Variants in CNTLN observed in about 807,000 individuals in gnomAD.
CNTLN encodes the protein centlein, centrosomal protein.
CNTLN carries 212 observed loss-of-function variants against 180.0 expected under a neutral mutation model. The ratio of observed to expected loss-of-function variants is 1.18; its 90% CI spans 1.05 to 1.32. CNTLN has a LOEUF of 1.32. Among genes scored for constraint, CNTLN ranks in the 40% most tolerant of loss-of-function variants. CNTLN has a pLI of 0.00. For missense variants in CNTLN, 2,095 were observed against 1,610.9 expected (o/e 1.30, Z -5.14); for synonymous variants, 722 against 563.1 (o/e 1.28, Z -3.99).
intron 10 of CNTLN, among the ~76,000 whole-genome samples, chr9:17,334,378 A>C (rs1271883788): frequency 6.6e-6 from 1 of 151,744 alleles, no homozygotes; most frequent in Non-Finnish European, 1.5e-5. Context: ...TAATTCTTGA[A>C]ATTTGTTACC....
intron 6 of CNTLN, among the ~76,000 whole-genome samples, chr9:17,294,826 GGGCGGGGAGGAGGGGGGA>G (rs1817715777): frequency 3.8e-5 from 1 of 26,006 alleles, no homozygotes; most frequent in African/African-American, 2.6e-4. Context: ...GAAGGGGGGA[GGGCGGGGAGGAGGGGGGA>G]GGGCGGGGAG....
chr9:17,309,131 ATCTTCAGGATCAGC>A lies in CNTLN; in HGVS notation c.1222_1235del (p.Leu408IlefsTer9). ...GCTATGCTCCGGCAAAGTGTTACTAATCTTCAGGATCAGCTATTACAAAAAGAGCAAGAAAATGC... is the reference window on the plus strand; with the variant it reads ...GCTATGCTCCGGCAAAGTGTTACTAATATTACAAAAAGAGCAAGAAAATGC... On this transcript the variant is annotated frameshift_variant, in exon 8 of 26. Transcript: ENST00000380647. LOFTEE classifies it high-confidence loss of function. 1 of 1,610,486 alleles carries A rather than the reference ATCTTCAGGATCAGC, an allele frequency of 6.2e-7. No individual in the cohort carries two copies. Among genetic ancestry groups the A allele is most frequent in the Non-Finnish European group, 8.5e-7 (1 of 1,178,238 alleles).
chr9:17,524,573 A>G, the CNTLN span, among the ~76,000 whole-genome samples: 3 of 152,262 alleles, frequency 2.0e-5, no homozygotes, highest in Admixed American at 1.3e-4. Flanking sequence ...GTGTCTAGGT[A>G]CTGGATGTCC....
In CNTLN at chr9:17,394,929, G is replaced by A; in HGVS notation, c.2475G>A (p.Met825Ile). 6.2e-7 allele frequency: 1 copy of A among 1,614,036 alleles called. No individual in the cohort carries two copies. Among genetic ancestry groups the A allele is most frequent in the East Asian group, 2.2e-5 (1 of 44,874 alleles). ...GACGATATGATTGTAAGACAACTAT[G>A]ACCAAGGTTAAATTTAAAGCTGCGA... ...RSGRYDCKTT[M>I]TKVKFKAAKK... The change falls in exon 15 of 26, where the codon ATG (methionine) becomes ATA (isoleucine). Residue 825 changes from methionine to isoleucine, a missense_variant. By Grantham distance (10) the Met-to-Ile change is conservative (BLOSUM62 1). Transcript: ENST00000380647.
intron 12 of CNTLN, among the ~76,000 whole-genome samples, chr9:17,349,960 G>A (rs1313712739): frequency 6.6e-6 from 1 of 152,158 alleles, no homozygotes; most frequent in African/African-American, 2.4e-5. Flanking sequence ...ACCACTCTTT[G>A]GAAGCTAGAT....
intron 5 of CNTLN, among the ~76,000 whole-genome samples, chr9:17,257,419 T>C (rs1393146296): frequency 2.6e-5 from 4 of 152,110 alleles, no homozygotes. Context: ...CTATTGTGAA[T>C]AATGCCGCAG....
intron 18 of CNTLN, among the ~76,000 whole-genome samples, chr9:17,440,588 C>CAAAAAAAAAAAAAAAA (rs35350865): frequency 4.4e-4 from 50 of 114,618 alleles, no homozygotes; most frequent in African/African-American, 1.5e-3. Flanking sequence ...GACTCCGTCT[C>CAAAAAAAAAAAAAAAA]AAAAAAAAAA....
intron 14 of CNTLN, 139 bp downstream of exon 14, chr9:17,388,392 C>T: frequency 1.7e-6 from 1 of 592,490 alleles, no homozygotes; most frequent in Non-Finnish European, 2.9e-6. Context: ...AAATCATTGG[C>T]TTGCCAAAAT....
intron 12 of CNTLN, among the ~76,000 whole-genome samples, chr9:17,351,559 A>AT (rs1302939095): frequency 1.3e-5 from 2 of 151,830 alleles, no homozygotes; most frequent in Non-Finnish European, 2.9e-5. Context: ...TTTATGTATT[A>AT]TTTTTTTTCT....
At chr9:17,521,536 T>C in the CNTLN span, among the ~76,000 whole-genome samples, 1 of 152,206 alleles carries the variant, frequency 6.6e-6, no homozygotes, top group African/African-American at 2.4e-5. Context: ...TTTAATAGCC[T>C]AGCTTTTAGC....
At chr9:17,264,147 G>C (rs1265946351) in intron 5 of CNTLN, among the ~76,000 whole-genome samples, 2 of 143,304 alleles carry the variant, frequency 1.4e-5, no homozygotes, top group Non-Finnish European at 3.0e-5. Context: ...GTATTGCCTA[G>C]GTTTTCTTCT....
chr9:17,460,501 A>G lies in CNTLN; in HGVS notation c.3307-2415A>G, dbSNP rs866912497. 2.0e-5 allele frequency among the ~76,000 whole-genome samples: 3 copies of G among 151,694 alleles called. No individual in the cohort carries two copies. The South Asian group carries it at 6.2e-4, about 31-fold the overall frequency. ...GCTGGGTTTCGATCACTTTTTGGCC[A>G]TTAACTTCTCGTCAACCTGGTCAAG... On this transcript the variant is annotated intron_variant, in intron 19 of 25. Coordinates refer to ENST00000380647, the MANE Select transcript of CNTLN (RefSeq NM_017738.4).
At chr9:17,363,054 A>G (rs1823532542) in intron 12 of CNTLN, among the ~76,000 whole-genome samples, 1 of 152,210 alleles carries the variant, frequency 6.6e-6, no homozygotes, top group South Asian at 2.1e-4. Context: ...GTCCCTGCAA[A>G]GGACATGAAG....
At chr9:17,511,693 C>T in the CNTLN span, among the ~76,000 whole-genome samples, 1 of 151,974 alleles carries the variant, frequency 6.6e-6, no homozygotes, top group Admixed American at 6.6e-5. Flanking sequence ...CACCCACACA[C>T]ACACACCAGG....
intron 5 of CNTLN, among the ~76,000 whole-genome samples, chr9:17,252,582 A>AT (rs1240671220): frequency 6.6e-6 from 1 of 151,502 alleles, no homozygotes; most frequent in Non-Finnish European, 1.5e-5. Flanking sequence ...TTATAATGTG[A>AT]TTTTTTAAAA....
chr9:17,431,232 G>A (rs1829403171), intron 18 of CNTLN, among the ~76,000 whole-genome samples: 1 of 151,908 alleles, frequency 6.6e-6, no homozygotes, highest in South Asian at 2.1e-4. Flanking sequence ...TTGTCTTTTT[G>A]ATAACAGCCA....
At chr9:17,370,693 C>G (rs990288005) in intron 13 of CNTLN, among the ~76,000 whole-genome samples, 1 of 152,072 alleles carries the variant, frequency 6.6e-6, no homozygotes, top group East Asian at 1.9e-4. Flanking sequence ...ACAAACTACT[C>G]TTAAGTAGAA....
At chr9:17,313,481 C>T (rs1018217045) in intron 8 of CNTLN, among the ~76,000 whole-genome samples, 3 of 151,892 alleles carry the variant, frequency 2.0e-5, no homozygotes, top group Admixed American at 1.3e-4. Flanking sequence ...GATGGTAATT[C>T]AGTGGAACTC....
intron 18 of CNTLN, among the ~76,000 whole-genome samples, chr9:17,422,153 G>A (rs1828766272): frequency 6.6e-6 from 1 of 152,020 alleles, no homozygotes; most frequent in African/African-American, 2.4e-5. Flanking sequence ...GGATATTTTT[G>A]GTGTGTATAA....
Sources: gnomAD v4.1 joint callset for allele counts (sites outside exome capture counted in the v4.1 genomes callset) on GRCh38, gnomAD v4.1.1 for gene constraint, MANE v1.5 for transcripts, NCBI Gene and HGNC (gene_info 2026-07-23, HGNC 2026-07-21) for gene names.